Variants in PSMA3 observed in about 807,000 individuals in gnomAD.
The protein encoded by PSMA3 is proteasome 20S subunit alpha 3.
PSMA3 carries 8 observed loss-of-function variants against 40.0 expected under a neutral mutation model. That is an observed-to-expected ratio of 0.20 (90% CI 0.12 to 0.36). The LOEUF is 0.36. PSMA3 is among the 10% of genes least tolerant of loss of function. The pLI, the probability that PSMA3 is intolerant of heterozygous loss-of-function variation, is 1.00. For synonymous variants in PSMA3, 110 were observed against 100.0 expected (o/e 1.10, Z -0.59); for missense variants, 219 against 310.6 (o/e 0.70, Z 2.22).
intron 3 of PSMA3, among the ~76,000 whole-genome samples, chr14:58,255,907 G>A (rs1320431587): frequency 2.0e-5 from 3 of 152,224 alleles, no homozygotes; most frequent in African/African-American, 4.8e-5. Context: ...TGCTCAGGCT[G>A]GAGTGTAGTG....
At chr14:58,247,720 C>G (rs1300405875) in intron 1 of PSMA3, 30 bp from the exon 2 acceptor site, 1 of 1,443,988 alleles carries the variant, frequency 6.9e-7, no homozygotes, top group Non-Finnish European at 9.6e-7. Flanking sequence ...GCCAAAGATA[C>G]AAGCTTACTG....
At chr14:58,249,320 C>G (rs1889949876) in intron 2 of PSMA3, among the ~76,000 whole-genome samples, 1 of 151,918 alleles carries the variant, frequency 6.6e-6, no homozygotes, top group East Asian at 1.9e-4. Flanking sequence ...CCAAAGTGAA[C>G]AAATGCTAGT....
intron 1 of PSMA3, chr14:58,245,163 C>G: frequency 1.7e-6 from 1 of 580,162 alleles, no homozygotes; most frequent in Non-Finnish European, 3.1e-6. Context: ...GCAGGTGTAG[C>G]CGGCTTGGCG....
rs376830435 is a variant in PSMA3, at chr14:58,271,853, A to C, written c.726A>C (p.Glu242Asp). Reference protein sequence around the residue: ...IREEAEKYAKESLKEEDESDD... With the variant: ...IREEAEKYAKDSLKEEDESDD... ...AAACACCTGTTTTCTCTTAACAGGA[A>C]TCTCTGAAGGAAGAAGATGAATCAG... Residue 242 changes from glutamate to aspartate, a missense_variant and splice_region_variant, in exon 11 of 11, where the codon GAA becomes GAC. Glu to Asp is a conservative substitution (Grantham distance 45). Coordinates refer to ENST00000216455, the MANE Select transcript of PSMA3 (RefSeq NM_002788.4). 1.6e-5 allele frequency: 25 copies of C among 1,597,716 alleles called. No homozygotes were observed. The East Asian group carries it at 2.2e-4, about 14-fold the overall frequency.
intron 8 of PSMA3, 171 bp downstream of exon 8, chr14:58,267,691 G>A (rs996886770): frequency 1.7e-6 from 2 of 1,192,164 alleles, no homozygotes; most frequent in African/African-American, 3.2e-5. Context: ...ATGTTTTTAA[G>A]CAATATTTTT....
Position 58,270,897 on chromosome 14 carries a change from A to G in PSMA3, c.659-37A>G, listed in dbSNP as rs140448248. 4.9e-4 allele frequency: 746 copies of G among 1,518,398 alleles called. 5 individuals carry two copies. The African/African-American group carries it at 8.6e-3, about 18-fold the overall frequency. The allele number at this position is 1,518,398 out of a possible 1,614,324, so 94.1% of individuals were successfully genotyped here. On this transcript the variant is annotated intron_variant, in intron 9 of 10. Transcript: ENST00000216455. ...ACTGCAAGTTACAATATGGTACTCAATTTAAAATTCATTTACACATGTGGC... is the reference window on the plus strand; with the variant it reads ...ACTGCAAGTTACAATATGGTACTCAGTTTAAAATTCATTTACACATGTGGC...
chr14:58,254,058 C>G (rs1239537337), intron 3 of PSMA3, among the ~76,000 whole-genome samples: 2 of 151,564 alleles, frequency 1.3e-5, no homozygotes, highest in African/African-American at 4.9e-5. Context: ...CTCCTCCCAC[C>G]CTCCACCCTC....
intron 9 of PSMA3, 90 bp downstream of exon 9, chr14:58,270,575 C>T (rs1245729566): frequency 6.4e-7 from 1 of 1,571,274 alleles, no homozygotes; most frequent in Admixed American, 1.9e-5. Context: ...ATAATGAAAG[C>T]TAAAGCAAAT....
intron 3 of PSMA3, among the ~76,000 whole-genome samples, chr14:58,252,824 A>AG (rs1406029040): frequency 6.6e-6 from 1 of 151,458 alleles, no homozygotes; most frequent in East Asian, 1.9e-4. Context: ...ACTGAAAGAA[A>AG]AAAAAAAAAA....
chr14:58,267,578 TATA>T, intron 8 of PSMA3, 58 bp downstream of exon 8: 2 of 1,487,288 alleles, frequency 1.3e-6, no homozygotes, highest in Non-Finnish European at 1.8e-6. Flanking sequence ...TTTGCATATA[TATA>T]TTACATTAAT....
intron 2 of PSMA3, among the ~76,000 whole-genome samples, chr14:58,249,544 G>A (rs996496575): frequency 2.0e-5 from 3 of 151,564 alleles, no homozygotes; most frequent in East Asian, 2.0e-4. Context: ...ATAGGATCTC[G>A]CTTTGTCACC....
chr14:58,256,651 A>T (rs1890151699), intron 3 of PSMA3, among the ~76,000 whole-genome samples: 1 of 151,106 alleles, frequency 6.6e-6, no homozygotes, highest in Non-Finnish European at 1.5e-5. Context: ...TGACCTTGTG[A>T]TCCACCTGCC....
At chr14:58,253,750 C>T (rs1391032657) in intron 3 of PSMA3, among the ~76,000 whole-genome samples, 5 of 152,058 alleles carry the variant, frequency 3.3e-5, no homozygotes, top group African/African-American at 7.2e-5. Context: ...TACGCCGCCA[C>T]ACCCAGCTAA....
intron 2 of PSMA3, among the ~76,000 whole-genome samples, chr14:58,251,333 T>C (rs1345350935): frequency 6.6e-6 from 1 of 152,256 alleles, no homozygotes; most frequent in African/African-American, 2.4e-5. Flanking sequence ...TTGCACAGAC[T>C]GGTGTGCAGT....
chr14:58,268,109 C>G (rs1890499722), intron 8 of PSMA3: 1 of 152,112 alleles, frequency 6.6e-6, no homozygotes, highest in South Asian at 2.1e-4. Flanking sequence ...GGTATTTGGA[C>G]AGTAAACAAT....
intron 3 of PSMA3, among the ~76,000 whole-genome samples, chr14:58,253,990 T>C (rs1038239419): frequency 5.3e-5 from 8 of 152,020 alleles, no homozygotes; most frequent in Non-Finnish European, 1.2e-4. Context: ...GTACAGATTT[T>C]TCTCGTCACC....
chr14:58,270,181 T>G, intron 8 of PSMA3: 1 of 487,322 alleles, frequency 2.1e-6, no homozygotes, highest in East Asian at 4.7e-5. Context: ...AAAAATAAAC[T>G]GAACTTGGGT....
intron 3 of PSMA3, among the ~76,000 whole-genome samples, chr14:58,256,562 T>C: frequency 6.6e-6 from 1 of 151,632 alleles, no homozygotes; most frequent in East Asian, 2.0e-4. Flanking sequence ...TACAGGTGCC[T>C]GCAACCACGC....
chr14:58,252,285 T>C, intron 3 of PSMA3, 43 bp downstream of exon 3: 1 of 1,584,834 alleles, frequency 6.3e-7, no homozygotes. Context: ...TTGTCCAATT[T>C]CTTTTGAAGT....
Sources: allele counts gnomAD v4.1 joint callset (sites outside exome capture counted in the v4.1 genomes callset), GRCh38; gene constraint gnomAD v4.1.1; transcripts MANE v1.5; gene names NCBI Gene and HGNC (gene_info 2026-07-23, HGNC 2026-07-21).